Variants in RAMAC observed in about 807,000 individuals in gnomAD.
RAMAC encodes the protein RNA guanine-N7 methyltransferase activating subunit.
In RAMAC, 11 loss-of-function variants were observed where a neutral mutation model predicts 17.9. That is an observed-to-expected ratio of 0.61 (90% confidence interval 0.39 to 1.02). The LOEUF is 1.02. Ranked by LOEUF, RAMAC falls within the 50% of genes least tolerant of loss-of-function variation. The probability of loss-of-function intolerance (pLI) is 0.01; values close to 1 mark genes in which losing one functional copy is unlikely to be tolerated. For missense variants in RAMAC, 109 were observed against 144.0 expected (o/e 0.76, Z 1.25); for synonymous variants, 27 against 48.4 (o/e 0.56, Z 1.84).
chr15:82,990,073 A>G lies in RAMAC; in HGVS notation c.*6A>G. On this transcript the variant is annotated 3_prime_UTR_variant, in exon 4 of 4. Transcript: ENST00000304191. ...CTCCTTACGGTTACTACTGATAGAA[A>G]TGTTGGCAGCTTTTAGTAAAAGCAT... 7.6e-7 allele frequency: 1 copy of G among 1,315,456 alleles called. No homozygotes were observed. The highest frequency in any genetic ancestry group is 1.6e-5 in the African/African-American group (1 of 60,926). 81.5% of individuals were successfully genotyped at this position (1,315,456 alleles called of 1,614,324 possible).
At position 82,989,162 on chromosome 15, in the gene RAMAC, T is replaced by C. The variant is rs751792421; in HGVS notation, c.144T>C (p.Gly48=). The stretch of plus-strand genomic sequence containing the variant: ...TTGAGGAATGGAATAGCAGAGCTGG[T>C]GGGAACCAAAGAAACAGAGGCAATC... The part of the protein sequence containing the change: ...PIVEEWNSRA[G]GNQRNRGNRL... The change falls in exon 3 of 4, where the codon GGT becomes GGC. Residue 48 remains glycine, a synonymous_variant. Transcript: ENST00000304191. 6.2e-7 allele frequency: 1 copy of C among 1,613,038 alleles called. No individual in the cohort carries two copies. The highest frequency in any genetic ancestry group is 1.7e-5 in the Admixed American group (1 of 59,740).
rs746690756 is a variant in RAMAC, at chr15:82,989,116, C to T, written c.98C>T (p.Pro33Leu). 2.5e-6 allele frequency: 4 copies of T among 1,613,842 alleles called. No individual in the cohort carries two copies. The highest frequency in any genetic ancestry group is 1.7e-4 in the Middle Eastern group (1 of 6,052). The part of the protein sequence containing the change: ...DKEYQEYLKR[P>L]PESPPIVEEW... ...GAGTATCAGGAATACCTGAAACGCC[C>T]TCCTGAGTCTCCTCCAATTGTTGAG... Residue 33 changes from proline (P) to leucine (L), a missense_variant, in exon 3 of 4, where the codon CCT (proline) becomes CTT (leucine). Coordinates refer to ENST00000304191, the MANE Select transcript of RAMAC (RefSeq NM_031452.4).
intron 1 of RAMAC, 46 bp downstream of exon 1, chr15:82,986,415 C>G (rs2030610962): frequency 6.6e-6 from 1 of 152,362 alleles, no homozygotes; most frequent in South Asian, 2.1e-4. Context: ...GGCGGCCGAG[C>G]TGGGTGGCCA....
At chr15:82,989,794 T>C in intron 3 of RAMAC, 87 bp from the exon 4 acceptor site, 1 of 1,483,250 alleles carries the variant, frequency 6.7e-7, no homozygotes, top group Non-Finnish European at 9.1e-7. Flanking sequence ...TGTATTAGAA[T>C]GAGAAACCAG....
intron 1 of RAMAC, among the ~76,000 whole-genome samples, chr15:82,986,897 A>C (rs183474486): frequency 3.0e-4 from 46 of 152,096 alleles, no homozygotes; most frequent in Admixed American, 1.1e-3. Context: ...TCTTTGGAAT[A>C]TTAGCTTTGG....
At position 82,990,718 on chromosome 15, in the gene RAMAC, G is replaced by T; in HGVS notation, c.*651G>T. 1.8e-5 allele frequency: 24 copies of T among 1,334,828 alleles called. No homozygotes were observed. Among genetic ancestry groups the T allele is most frequent in the Non-Finnish European group, 2.4e-5 (23 of 953,276 alleles). The allele number at this position is 1,334,828 out of a possible 1,614,324, so 82.7% of individuals were successfully genotyped here. A position where few individuals can be genotyped will look rare whatever the true frequency, so the allele number is the denominator to read the frequency against. ...TTGATCTGGTGGTGGTTGGGATAAG[G>T]GTACACATCATTTTATACAAACACT... On this transcript the variant is annotated 3_prime_UTR_variant, in exon 4 of 4. Transcript: ENST00000304191.
chr15:82,990,665 A>G lies in RAMAC; in HGVS notation c.*598A>G, dbSNP rs1358346817. Reference sequence around the variant, plus strand: ...GAAATCAGTAATAAAGCTGTAAAATAAGGAAGGAATCATTGTCAGTTTGTG... The same window carrying G: ...GAAATCAGTAATAAAGCTGTAAAATGAGGAAGGAATCATTGTCAGTTTGTG... On this transcript the variant is annotated 3_prime_UTR_variant, in exon 4 of 4. Coordinates refer to ENST00000304191, the MANE Select transcript of RAMAC (RefSeq NM_031452.4). 6.5e-7 allele frequency: 1 copy of G among 1,530,916 alleles called. No individual in the cohort carries two copies. Among genetic ancestry groups the G allele is most frequent in the African/African-American group, 1.4e-5 (1 of 72,688 alleles). 94.8% of individuals were successfully genotyped at this position (1,530,916 alleles called of 1,614,324 possible).
At chr15:82,988,835 C>CAAAAA in intron 2 of RAMAC, 175 bp from the exon 3 acceptor site, 1 of 454,094 alleles carries the variant, frequency 2.2e-6, no homozygotes, top group Non-Finnish European at 3.7e-6. Flanking sequence ...GACCCTGTCT[C>CAAAAA]AAAAAAAAAA....
At position 82,989,877 on chromosome 15, in the gene RAMAC, G is replaced by A. The variant is rs759202087; in HGVS notation, c.171-4G>A. The A allele has an allele frequency of 6.2e-7, 1 of 1,612,890 alleles. No individual in the cohort carries two copies. Among genetic ancestry groups the A allele is most frequent in the South Asian group, 1.1e-5 (1 of 90,974 alleles). ...TAAAGATCTTTTTTGTTTTATTGTT[G>A]TAGGTTGCAAGACAACAGACAGTTC... On this transcript the variant is annotated splice_polypyrimidine_tract_variant and splice_region_variant and intron_variant, in intron 3 of 3. Transcript: ENST00000304191.
intron 1 of RAMAC, among the ~76,000 whole-genome samples, 174 bp downstream of exon 1, chr15:82,986,543 CA>C (rs2030618511): frequency 6.6e-6 from 1 of 152,182 alleles, no homozygotes; most frequent in Admixed American, 6.5e-5. Flanking sequence ...CGGAAGGGAG[CA>C]AATCTGCCAG....
In RAMAC at chr15:82,990,870, A is replaced by C; in HGVS notation, c.*803A>C. ...GATGGTTCTTACTTTTTTGGTATTTAATGTGGGCTGATTTTACAATGTTAT... is the reference window on the plus strand; with the variant it reads ...GATGGTTCTTACTTTTTTGGTATTTCATGTGGGCTGATTTTACAATGTTAT... On this transcript the variant is annotated 3_prime_UTR_variant, in exon 4 of 4. Coordinates refer to ENST00000304191, the MANE Select transcript of RAMAC (RefSeq NM_031452.4). 2.1e-6 allele frequency: 1 copy of C among 483,138 alleles called. No homozygotes were observed. Among genetic ancestry groups the C allele is most frequent in the Non-Finnish European group, 3.7e-6 (1 of 270,004 alleles). 29.9% of individuals were successfully genotyped at this position (483,138 alleles called of 1,614,324 possible).
intron 2 of RAMAC, among the ~76,000 whole-genome samples, 173 bp downstream of exon 2, chr15:82,987,557 A>AGGTATG (rs1567083784): frequency 6.6e-6 from 1 of 152,208 alleles, no homozygotes; most frequent in Admixed American, 6.5e-5. Flanking sequence ...CATCTGGATT[A>AGGTATG]GGTATGGGTC....
chr15:82,988,301 A>C (rs920735507), intron 2 of RAMAC: 4 of 158,360 alleles, frequency 2.5e-5, no homozygotes, highest in African/African-American at 7.2e-5. Flanking sequence ...TTGCACTCCA[A>C]CTCTGGGTGA....
At chr15:82,988,802 C>T (rs888769492) in intron 2 of RAMAC, 26 of 501,580 alleles carry the variant, frequency 5.2e-5, no homozygotes, top group Non-Finnish European at 8.5e-5. Context: ...CCGCTGTGCT[C>T]CAGCCTGGGT....
chr15:82,986,577 T>C (rs2030620492), intron 1 of RAMAC, among the ~76,000 whole-genome samples: 1 of 152,232 alleles, frequency 6.6e-6, no homozygotes, highest in African/African-American at 2.4e-5. Flanking sequence ...CAAGCTGTGA[T>C]GTGCCTTGAG....
At chr15:82,989,830 GT>G (rs772512462) in intron 3 of RAMAC, 50 bp from the exon 4 acceptor site, 8 of 1,594,626 alleles carry the variant, frequency 5.0e-6, no homozygotes, top group South Asian at 2.2e-5. Flanking sequence ...TTTGTCATAT[GT>G]TTTTTTTAAC....
At position 82,989,120 on chromosome 15, in the gene RAMAC, T is replaced by C. The variant is rs771252687; in HGVS notation, c.102T>C (p.Pro34=). Residue 34 remains proline, a synonymous_variant, in exon 3 of 4, where the codon CCT becomes CCC. Transcript: ENST00000304191. The part of the protein sequence containing the change: ...KEYQEYLKRP[P]ESPPIVEEWN... ...ATCAGGAATACCTGAAACGCCCTCC[T>C]GAGTCTCCTCCAATTGTTGAGGAAT... 6 of 1,613,936 alleles carry C rather than the reference T, an allele frequency of 3.7e-6. No homozygotes were observed. In the Admixed American group the frequency reaches 1.0e-4, roughly 27 times the overall value.
intron 2 of RAMAC, among the ~76,000 whole-genome samples, chr15:82,988,092 T>G (rs565183578): frequency 1.4e-5 from 2 of 148,080 alleles, no homozygotes; most frequent in East Asian, 3.9e-4. Context: ...ATCCCAGGAC[T>G]TTGGGAGGCC....
At chr15:82,988,856 G>C (rs1031853033) in intron 2 of RAMAC, 154 bp from the exon 3 acceptor site, 3 of 626,918 alleles carry the variant, frequency 4.8e-6, no homozygotes, top group African/African-American at 3.8e-5. Context: ...AAAAAATGTT[G>C]AATTCAATAT....
Sources: allele counts gnomAD v4.1 joint callset (sites outside exome capture counted in the v4.1 genomes callset), GRCh38; gene constraint gnomAD v4.1.1; transcripts MANE v1.5; gene names NCBI Gene and HGNC (gene_info 2026-07-23, HGNC 2026-07-21).